Variants in DISC1 observed in about 807,000 individuals in gnomAD.
DISC1 encodes the protein DISC1 scaffold protein.
DISC1 carries 57 observed loss-of-function variants against 84.5 expected under a neutral mutation model. The ratio of observed to expected loss-of-function variants is 0.67; its 90% CI spans 0.55 to 0.84. DISC1 has a LOEUF of 0.84. DISC1 is among the 40% of genes least tolerant of loss of function. The pLI, the probability that DISC1 is intolerant of heterozygous loss-of-function variation, is 0.00. For missense variants in DISC1, 1,000 were observed against 1,057.8 expected, an observed-to-expected ratio of 0.95 and a Z score of 0.76; for synonymous variants, 411 against 415.2, an observed-to-expected ratio of 0.99 and a Z score of 0.12.
chr1:231,955,611 T>C (rs1659351621), intron 9 of DISC1, among the ~76,000 whole-genome samples: 1 of 151,548 alleles, frequency 6.6e-6, no homozygotes, highest in South Asian at 2.1e-4. Context: ...TGTCTCAGCC[T>C]CCCAACTAGG....
chr1:231,950,702 T>A (rs966842982), intron 9 of DISC1, among the ~76,000 whole-genome samples: 9 of 152,126 alleles, frequency 5.9e-5, no homozygotes, highest in Non-Finnish European at 2.9e-5. Flanking sequence ...AAGTGAGAAT[T>A]ACCATATTAG....
intron 3 of DISC1, among the ~76,000 whole-genome samples, chr1:231,703,001 A>G (rs918875534): frequency 6.6e-6 from 1 of 152,212 alleles, no homozygotes. Context: ...GCTTTAAGGC[A>G]TGGGTCTTCA....
At chr1:231,952,993 G>A (rs1401852702) in intron 9 of DISC1, among the ~76,000 whole-genome samples, 6 of 152,102 alleles carry the variant, frequency 3.9e-5, no homozygotes, top group Admixed American at 1.3e-4. Context: ...TTGAAGTCAT[G>A]TGTTTTGTAA....
At chr1:231,917,995 A>G (rs1193945171) in intron 9 of DISC1, among the ~76,000 whole-genome samples, 2 of 152,242 alleles carry the variant, frequency 1.3e-5, no homozygotes, top group Non-Finnish European at 2.9e-5. Flanking sequence ...TAGTTACACT[A>G]CAAACACTAA....
At chr1:231,947,443 T>C (rs1657454205) in intron 9 of DISC1, among the ~76,000 whole-genome samples, 1 of 152,170 alleles carries the variant, frequency 6.6e-6, no homozygotes, top group Non-Finnish European at 1.5e-5. Context: ...TTACACCTTG[T>C]ACAGAAATCA....
chr1:232,033,497 C>G (rs1670243521), intron 12 of DISC1, among the ~76,000 whole-genome samples: 1 of 152,186 alleles, frequency 6.6e-6, no homozygotes. Context: ...CAGGTCCTCC[C>G]ACGGCTCCTC....
chr1:231,688,507 C>T (rs1299383384), intron 1 of DISC1, among the ~76,000 whole-genome samples: 9 of 152,200 alleles, frequency 5.9e-5, no homozygotes, highest in African/African-American at 2.2e-4. Context: ...ACTTCTTTTT[C>T]ACCAAATGCA....
At chr1:231,844,730 T>C (rs1415479572) in intron 9 of DISC1, among the ~76,000 whole-genome samples, 1 of 151,642 alleles carries the variant, frequency 6.6e-6, no homozygotes, top group East Asian at 1.9e-4. Flanking sequence ...ATCAAGACCA[T>C]CCTGGCTAAC....
Position 231,856,032 on chromosome 1 carries a change from C to T in DISC1, c.1981+37515C>T, listed in dbSNP as rs367746666. On this transcript the variant is annotated intron_variant, in intron 9 of 12. Coordinates refer to ENST00000439617, the MANE Select transcript of DISC1 (RefSeq NM_018662.3). ...ACTTCTACCTTTGTTTTTGGCTTGA[C>T]GTGCATATGCCGAAGGCTTCAGCAA... is the stretch of plus-strand genomic sequence containing the variant. Among the ~76,000 whole-genome samples, 16 of 152,284 alleles carry T rather than the reference C, an allele frequency of 1.1e-4. No individual in the cohort carries two copies. In the East Asian group the frequency reaches 1.9e-3, roughly 18 times the overall value.
rs539506888 is a variant in DISC1 at position 231,822,778 on chromosome 1, C to T, written c.1981+4261C>T. Among the ~76,000 whole-genome samples, 248 of 152,262 alleles carry T rather than the reference C, an allele frequency of 1.6e-3. 1 individual carries two copies. The highest frequency in any genetic ancestry group is 5.6e-3 in the African/African-American group (234 of 41,546). ...TGCCAACATCTGCTTCTGGTGAGGG[C>T]CTCAGGCTGCTTCCACTCATGGCAG... On this transcript the variant is annotated intron_variant, in intron 9 of 12. Transcript: ENST00000439617.
At chr1:231,792,764 T>C (rs974093303) in intron 6 of DISC1, among the ~76,000 whole-genome samples, 2 of 152,210 alleles carry the variant, frequency 1.3e-5, no homozygotes, top group African/African-American at 4.8e-5. Context: ...AATCTCCATG[T>C]CTGTGTGACA....
At chr1:231,816,445 T>C (rs986781916) in intron 8 of DISC1, among the ~76,000 whole-genome samples, 2 of 152,242 alleles carry the variant, frequency 1.3e-5, no homozygotes, top group Non-Finnish European at 2.9e-5. Context: ...CCATTTATCC[T>C]TTTTAAAATA....
At chr1:231,893,131 C>T (rs1488296328) in intron 9 of DISC1, among the ~76,000 whole-genome samples, 2 of 152,068 alleles carry the variant, frequency 1.3e-5, no homozygotes, top group South Asian at 4.1e-4. Flanking sequence ...TCACTGCACT[C>T]CTGCCTGGGT....
intron 7 of DISC1, among the ~76,000 whole-genome samples, chr1:231,798,584 G>C (rs79138820): frequency 0.025 from 3,758 of 152,256 alleles, 165 homozygotes; most frequent in African/African-American, 0.085. Context: ...GATAGGATGG[G>C]ATGTGCCAGT....
chr1:232,036,003 A>G (rs1164327242), intron 12 of DISC1, among the ~76,000 whole-genome samples: 1 of 152,172 alleles, frequency 6.6e-6, no homozygotes, highest in Non-Finnish European at 1.5e-5. Flanking sequence ...GAAAAGAACC[A>G]ACCAACCAAC....
intron 9 of DISC1, among the ~76,000 whole-genome samples, chr1:231,907,665 T>A (rs1013601826): frequency 1.3e-5 from 2 of 152,210 alleles, no homozygotes; most frequent in Non-Finnish European, 2.9e-5. Flanking sequence ...AGTAGCATGA[T>A]TTATAATCCT....
At chr1:231,782,497 C>T (rs1018925316) in intron 6 of DISC1, among the ~76,000 whole-genome samples, 4 of 151,894 alleles carry the variant, frequency 2.6e-5, no homozygotes, top group South Asian at 2.1e-4. Context: ...CTTAGCCAGA[C>T]GCCAGTTAAT....
rs2076229168 is a variant in DISC1 at position 231,767,159 on chromosome 1, C to T, written c.1288C>T (p.His430Tyr). The change falls in exon 5 of 13, where the codon CAC becomes TAC. Residue 430 changes from histidine to tyrosine, a missense_variant. His to Tyr is a moderately conservative substitution (Grantham distance 83, BLOSUM62 2). Coordinates refer to ENST00000439617, the MANE Select transcript of DISC1 (RefSeq NM_018662.3). ...TTTAAGGGCCAGCGGAGATGACACCCACACCCCACTGAGAATGGAGCCGAG... is the reference window on the plus strand; with the variant it reads ...TTTAAGGGCCAGCGGAGATGACACCTACACCCCACTGAGAATGGAGCCGAG... ...ATQQASGDDTHTPLRMEPRLL... is the reference protein window; with the variant it reads ...ATQQASGDDTYTPLRMEPRLL... The T allele has an allele frequency of 1.2e-6, 2 of 1,614,186 alleles. No individual in the cohort carries two copies. The highest frequency in any genetic ancestry group is 1.7e-6 in the Non-Finnish European group (2 of 1,180,024).
intron 3 of DISC1, among the ~76,000 whole-genome samples, chr1:231,734,618 C>A (rs1220195161): frequency 6.6e-6 from 1 of 152,190 alleles, no homozygotes; most frequent in Admixed American, 6.5e-5. Context: ...CACAACTTAA[C>A]TGGTTTACTT....
Sources: gnomAD v4.1 joint callset for allele counts (sites outside exome capture counted in the v4.1 genomes callset) on GRCh38, gnomAD v4.1.1 for gene constraint, MANE v1.5 for transcripts, NCBI Gene and HGNC (gene_info 2026-07-23, HGNC 2026-07-21) for gene names.